Variants in AIMP1 observed in about 807,000 individuals in gnomAD.
The protein encoded by AIMP1 is aminoacyl tRNA synthetase complex interacting multifunctional protein 1, also known as aminoacyl tRNA synthase complex-interacting multifunctional protein 1.
A neutral mutation model predicts 33.1 loss-of-function variants in AIMP1; 24 were observed. That is an observed-to-expected ratio of 0.73 (90% CI 0.53 to 1.02). The LOEUF (loss-of-function observed/expected upper bound fraction) is 1.02, where lower values mean the gene tolerates loss of function less well. Ranked by LOEUF, AIMP1 falls within the 50% of genes least tolerant of loss-of-function variation. The probability of loss-of-function intolerance (pLI) is 0.00; values close to 1 mark genes in which losing one functional copy is unlikely to be tolerated. For synonymous variants in AIMP1, 120 were observed against 121.5 expected, an observed-to-expected ratio of 0.99 and a Z score of 0.08; for missense variants, 367 against 364.8, an observed-to-expected ratio of 1.01 and a Z score of -0.05.
At chr4:106,335,808 T>C (rs1769852087) in intron 5 of AIMP1, among the ~76,000 whole-genome samples, 1 of 151,848 alleles carries the variant, frequency 6.6e-6, no homozygotes, top group Admixed American at 6.6e-5. Context: ...CTAGAATGCA[T>C]CTTTTTTTCT....
intron 1 of AIMP1, among the ~76,000 whole-genome samples, chr4:106,318,676 A>C (rs1046618766): frequency 1.3e-5 from 2 of 152,190 alleles, no homozygotes; most frequent in African/African-American, 4.8e-5. Flanking sequence ...GCCCACACTT[A>C]CACCCACTTA....
chr4:106,316,171 T>A (rs1381222058), upstream of AIMP1: 1 of 174,378 alleles, frequency 5.7e-6, no homozygotes, highest in Non-Finnish European at 1.2e-5. Context: ...AGCGCAAGCC[T>A]GGCCTTCCCC....
At chr4:106,330,017 A>G (rs141769627) in intron 4 of AIMP1, among the ~76,000 whole-genome samples, 2,478 of 152,148 alleles carry the variant, frequency 0.016, 31 homozygotes, top group Middle Eastern at 0.088. Context: ...TCCTGATCTC[A>G]GGTGATCCAC....
chr4:106,337,136 T>C (rs1212619554), intron 6 of AIMP1, 99 bp downstream of exon 6: 1 of 1,118,404 alleles, frequency 8.9e-7, no homozygotes, highest in South Asian at 1.3e-5. Context: ...GTAAGAATCA[T>C]GAGTCTTACA....
intron 1 of AIMP1, among the ~76,000 whole-genome samples, chr4:106,318,677 C>A (rs776632518): frequency 6.6e-6 from 1 of 152,180 alleles, no homozygotes; most frequent in Non-Finnish European, 1.5e-5. Context: ...CCCACACTTA[C>A]ACCCACTTAG....
chr4:106,337,821 C>A (rs1274922673), intron 6 of AIMP1, among the ~76,000 whole-genome samples: 1 of 152,192 alleles, frequency 6.6e-6, no homozygotes, highest in Non-Finnish European at 1.5e-5. Flanking sequence ...AAGTTTGGAA[C>A]TTTCTAGAGA....
At chr4:106,338,067 A>T (rs1464800966) in intron 6 of AIMP1, among the ~76,000 whole-genome samples, 1 of 152,244 alleles carries the variant, frequency 6.6e-6, no homozygotes, top group African/African-American at 2.4e-5. Context: ...GCAGCAAAGC[A>T]TTTAAGAGGT....
intron 1 of AIMP1, chr4:106,321,599 C>G (rs547221641): frequency 6.4e-6 from 1 of 155,278 alleles, no homozygotes; most frequent in Admixed American, 6.6e-5. Flanking sequence ...CCCGCCCGGC[C>G]GGCGCCCCGT....
At chr4:106,346,801 T>G (rs1452742353) in intron 6 of AIMP1, among the ~76,000 whole-genome samples, 1 of 152,198 alleles carries the variant, frequency 6.6e-6, no homozygotes, top group Non-Finnish European at 1.5e-5. Flanking sequence ...CAGTTTTCCT[T>G]TATATTTAAT....
At position 106,325,062 on chromosome 4, in the gene AIMP1, C is replaced by G; in HGVS notation, c.53C>G (p.Ala18Gly). The change falls in exon 2 of 7, where the codon GCA becomes GGA. Residue 18 changes from alanine (A) to glycine (G), a missense_variant. Coordinates refer to ENST00000672341, the MANE Select transcript of AIMP1 (RefSeq NM_001142416.2). ...AGACTGGAGCAGAAGGGTGCAGAGGCAGATCAAATCATTGAATATCTTAAG... is the reference window on the plus strand; with the variant it reads ...AGACTGGAGCAGAAGGGTGCAGAGGGAGATCAAATCATTGAATATCTTAAG... ...LKRLEQKGAE[A>G]DQIIEYLKQQ... 6.2e-7 allele frequency: 1 copy of G among 1,613,044 alleles called. No individual in the cohort carries two copies. The highest frequency in any genetic ancestry group is 8.5e-7 in the Non-Finnish European group (1 of 1,179,366).
chr4:106,337,205 G>A (rs552791536), intron 6 of AIMP1, among the ~76,000 whole-genome samples, 168 bp downstream of exon 6: 10 of 152,148 alleles, frequency 6.6e-5, no homozygotes, highest in Non-Finnish European at 1.3e-4. Context: ...ATGACACATT[G>A]AGTAAACCTT....
chr4:106,318,784 G>T (rs1452508681), intron 1 of AIMP1, among the ~76,000 whole-genome samples: 2 of 152,138 alleles, frequency 1.3e-5, no homozygotes, highest in African/African-American at 4.8e-5. Flanking sequence ...TCATTTAGAA[G>T]ATTATGATTA....
intron 1 of AIMP1, 128 bp downstream of exon 1, chr4:106,316,722 C>A: frequency 3.6e-6 from 3 of 845,014 alleles, no homozygotes; most frequent in South Asian, 1.7e-5. Flanking sequence ...CCGTTCGCAG[C>A]AGGACCAGCC....
At chr4:106,316,441 G>T, upstream of AIMP1, 1 of 1,127,180 alleles carries the variant, frequency 8.9e-7, no homozygotes, top group South Asian at 1.3e-5. Flanking sequence ...AGCACAGGAA[G>T]AGGAAGAAAG....
intron 5 of AIMP1, among the ~76,000 whole-genome samples, chr4:106,336,509 T>G (rs1174016779): frequency 2.0e-5 from 3 of 152,248 alleles, no homozygotes; most frequent in African/African-American, 7.2e-5. Context: ...CTCTTCAATA[T>G]TATTTCTCTC....
chr4:106,318,545 A>G (rs1769077146), intron 1 of AIMP1, among the ~76,000 whole-genome samples: 3 of 152,220 alleles, frequency 2.0e-5, no homozygotes, highest in South Asian at 2.1e-4. Context: ...ACTATATTCC[A>G]TCAATTCTGA....
chr4:106,333,840 C>CTCT (rs1769769289), intron 5 of AIMP1, among the ~76,000 whole-genome samples: 1 of 110,196 alleles, frequency 9.1e-6, no homozygotes, highest in Non-Finnish European at 2.2e-5. Flanking sequence ...CTAACTGTTG[C>CTCT]TTTTTTTCTT....
At chr4:106,339,211 T>C (rs1770004988) in intron 6 of AIMP1, among the ~76,000 whole-genome samples, 1 of 152,194 alleles carries the variant, frequency 6.6e-6, no homozygotes. Flanking sequence ...TTTGGGGAAC[T>C]GTTGGGAAGG....
intron 6 of AIMP1, among the ~76,000 whole-genome samples, chr4:106,338,583 T>C (rs1411201338): frequency 6.6e-6 from 1 of 152,132 alleles, no homozygotes; most frequent in African/African-American, 2.4e-5. Flanking sequence ...TCAGAAGATG[T>C]ATGGAAGCCC....
Sources: gnomAD v4.1 joint callset for allele counts (sites outside exome capture counted in the v4.1 genomes callset) on GRCh38, gnomAD v4.1.1 for gene constraint, MANE v1.5 for transcripts, NCBI Gene and HGNC (gene_info 2026-07-23, HGNC 2026-07-21) for gene names.